The following HK1 variants were observed in gnomAD, a reference collection of about 807,000 sequenced individuals.
HK1 encodes the protein hexokinase-1.
HK1 carries 28 observed loss-of-function variants against 91.6 expected under a neutral mutation model. That is an observed-to-expected ratio of 0.31 (90% CI 0.23 to 0.42). HK1 has a LOEUF of 0.42. Ranked by LOEUF, HK1 falls within the 10% of genes least tolerant of loss-of-function variation. HK1 has a pLI of 1.00. For synonymous variants in HK1, 430 were observed against 468.1 expected, an observed-to-expected ratio of 0.92 and a Z score of 1.05; for missense variants, 770 against 1,219.8, an observed-to-expected ratio of 0.63 and a Z score of 5.49.
upstream of HK1, among the ~76,000 whole-genome samples, chr10:69,317,105 A>T (rs1464426782): frequency 6.6e-6 from 1 of 152,210 alleles, no homozygotes; most frequent in Admixed American, 6.5e-5. Context: ...ATATACAAAT[A>T]TCACACTGCT....
intron 1 of HK1, among the ~76,000 whole-genome samples, chr10:69,335,545 C>T (rs941687509): frequency 1.3e-5 from 2 of 152,154 alleles, no homozygotes; most frequent in African/African-American, 4.8e-5. Flanking sequence ...GAGCACAGGA[C>T]CAGGAATCAG....
intron 2 of HK1, among the ~76,000 whole-genome samples, chr10:69,286,630 C>T (rs1242685535): frequency 6.6e-6 from 1 of 151,680 alleles, no homozygotes; most frequent in Non-Finnish European, 1.5e-5. Context: ...CTCACTGCAA[C>T]CTCCGCCTCC....
chr10:69,315,248 G>T (rs138027111), upstream of HK1, among the ~76,000 whole-genome samples: 61 of 152,310 alleles, frequency 4.0e-4, no homozygotes, highest in African/African-American at 1.4e-3. Context: ...GTGCTCCCAG[G>T]TGCGGGAGGT....
At chr10:69,295,618 C>T (rs751189296) in intron 3 of HK1, 27 of 1,589,466 alleles carry the variant, frequency 1.7e-5, no homozygotes, top group Non-Finnish European at 1.9e-5. Context: ...TTTACTTGTC[C>T]TGTCTTTCTC....
chr10:69,275,256 C>T (rs1050167889), intron 1 of HK1, among the ~76,000 whole-genome samples: 1 of 149,880 alleles, frequency 6.7e-6, no homozygotes. Flanking sequence ...CACGGTGGCT[C>T]ACGCCTGTAA....
At chr10:69,309,782 C>A (rs1406226696) in intron 5 of HK1, among the ~76,000 whole-genome samples, 1 of 151,612 alleles carries the variant, frequency 6.6e-6, no homozygotes, top group Non-Finnish European at 1.5e-5. Flanking sequence ...CGAGGTGGCT[C>A]ACTCCTGTAA....
intron 16 of HK1, among the ~76,000 whole-genome samples, chr10:69,396,330 A>C (rs948532119): frequency 6.6e-6 from 1 of 152,088 alleles, no homozygotes; most frequent in Admixed American, 6.5e-5. Context: ...ACAAAAAAAA[A>C]CCTAACAAGC....
At chr10:69,287,539 G>T (rs1845085820) in intron 2 of HK1, among the ~76,000 whole-genome samples, 2 of 152,162 alleles carry the variant, frequency 1.3e-5, no homozygotes, top group South Asian at 4.1e-4. Context: ...GTCCACTTAT[G>T]CGAAATGGCC....
intron 2 of HK1, among the ~76,000 whole-genome samples, chr10:69,349,933 C>A (rs1307983131): frequency 6.6e-6 from 1 of 152,204 alleles, no homozygotes; most frequent in East Asian, 1.9e-4. Flanking sequence ...TGTGAGTTGA[C>A]TTCTGTATCT....
At chr10:69,286,162 T>A (rs1261298421) in intron 2 of HK1, among the ~76,000 whole-genome samples, 1 of 152,198 alleles carries the variant, frequency 6.6e-6, no homozygotes, top group Non-Finnish European at 1.5e-5. Context: ...TAAGCCCATA[T>A]AGCATAATAA....
rs1056160035 is a variant in HK1, at chr10:69,369,376, T to C, written c.691+40T>C. The C allele has an allele frequency of 1.9e-6, 3 of 1,613,482 alleles. No homozygotes were observed. In the African/African-American group the frequency reaches 4.0e-5, roughly 22 times the overall value. ...TTTGCCCATCCATTTGTTCGGCCCA[T>C]CTTTCCAGGTGGCTCTGCACCCTCC... is the stretch of plus-strand genomic sequence containing the variant. On this transcript the variant is annotated intron_variant, in intron 6 of 17. Coordinates refer to ENST00000359426, the MANE Select transcript of HK1 (RefSeq NM_000188.3). The surrounding 1 kb of genome is among the most constrained non-coding windows in gnomAD (Gnocchi z 4.4).
rs566533100 is a variant in HK1 at position 69,345,963 on chromosome 10, C to T, written c.226+1974C>T. Among the ~76,000 whole-genome samples, 5 of 152,216 alleles carry T rather than the reference C, an allele frequency of 3.3e-5. No individual in the cohort carries two copies. The South Asian group carries it at 1.0e-3, about 32-fold the overall frequency. On this transcript the variant is annotated intron_variant, in intron 2 of 17. Coordinates refer to ENST00000359426, the MANE Select transcript of HK1 (RefSeq NM_000188.3). ...CATTCCAAATATTTATGGGTGGGTT[C>T]AGTTCATGTGCCCCAGAGCCCACAC... is the stretch of plus-strand genomic sequence containing the variant.
At chr10:69,326,070 G>A (rs937296098) in intron 1 of HK1, among the ~76,000 whole-genome samples, 20 of 150,846 alleles carry the variant, frequency 1.3e-4, no homozygotes, top group African/African-American at 3.7e-4. Context: ...TCCTGACCTC[G>A]TGATTCACCC....
upstream of HK1, among the ~76,000 whole-genome samples, chr10:69,315,548 G>C (rs748005111): frequency 1.1e-4 from 16 of 152,188 alleles, no homozygotes; most frequent in African/African-American, 1.4e-4. Flanking sequence ...TGAGGATCCA[G>C]GGAGTAACTG....
At chr10:69,316,444 G>C (rs75064888), upstream of HK1, among the ~76,000 whole-genome samples, 2,134 of 152,362 alleles carry the variant, frequency 0.014, 51 homozygotes, top group African/African-American at 0.049. Flanking sequence ...CAGGGAGATG[G>C]ACTGGGAGTT....
At chr10:69,315,311 G>C (rs1167084687), upstream of HK1, among the ~76,000 whole-genome samples, 1 of 152,196 alleles carries the variant, frequency 6.6e-6, no homozygotes, top group South Asian at 2.1e-4. Flanking sequence ...TAGTGCCATG[G>C]GTCAGATGGG....
chr10:69,393,221 T>G (rs1839983427), intron 15 of HK1, among the ~76,000 whole-genome samples: 4 of 152,164 alleles, frequency 2.6e-5, no homozygotes, highest in Admixed American at 2.0e-4. Context: ...CCTCAGGTGA[T>G]CCGCCTGTCT....
chr10:69,352,184 G>C (rs544498083), intron 2 of HK1, among the ~76,000 whole-genome samples: 9 of 151,930 alleles, frequency 5.9e-5, no homozygotes, highest in Admixed American at 5.9e-4. Context: ...GTAGAGACAG[G>C]GTTTCTCCAT....
Position 69,382,613 on chromosome 10 carries a change from C to T in HK1, c.1392C>T (p.Ala464=), listed in dbSNP as rs192297958. 8.7e-6 allele frequency: 14 copies of T among 1,614,060 alleles called. No homozygotes were observed. The highest frequency in any genetic ancestry group is 2.2e-5 in the East Asian group (1 of 44,896). ...AMVTAVAYRL[A]EQHRQIEETL... is the part of the protein sequence containing the mutation. ...TGACGGCGGTGGCCTACCGCTTGGC[C>T]GAGCAGCACCGGCAGATAGAGGAGA... is the stretch of plus-strand genomic sequence containing the variant. The change falls in exon 10 of 18, where the codon GCC becomes GCT. Residue 464 remains alanine, a synonymous_variant. Coordinates refer to ENST00000359426, the MANE Select transcript of HK1 (RefSeq NM_000188.3).
Sources: allele counts gnomAD v4.1 joint callset (sites outside exome capture counted in the v4.1 genomes callset), GRCh38; gene constraint gnomAD v4.1.1; non-coding constraint Gnocchi (gnomAD v3.1); transcripts MANE v1.5; gene names NCBI Gene and HGNC (gene_info 2026-07-23, HGNC 2026-07-21).